MYF5: variants seen among roughly 807,000 people sequenced by gnomAD.
MYF5 encodes myogenic factor 5.
A neutral mutation model predicts 22.3 loss-of-function variants in MYF5; 20 were observed. The observed-to-expected ratio is 0.90, with a 90% CI of 0.63 to 1.30. The LOEUF (loss-of-function observed/expected upper bound fraction) is 1.30, where lower values mean the gene tolerates loss of function less well. Among genes scored for constraint, MYF5 ranks in the 50% most tolerant of loss-of-function variants. MYF5 has a pLI of 0.00. For missense variants in MYF5, 348 were observed against 325.9 expected (o/e 1.07, Z -0.52); for synonymous variants, 141 against 128.4 (o/e 1.10, Z -0.66).
chr12:80,718,004 G>T (rs990067500), intron 1 of MYF5, among the ~76,000 whole-genome samples: 1 of 152,184 alleles, frequency 6.6e-6, no homozygotes, highest in Non-Finnish European at 1.5e-5. Flanking sequence ...TTTAGAGGGC[G>T]TTTGCTCCAA....
Position 80,717,252 on chromosome 12 carries a change from G to A in MYF5, c.189G>A (p.Gln63=), listed in dbSNP as rs746872539. Residue 63 remains glutamine (Q), a synonymous_variant, in exon 1 of 3, where the codon CAG becomes CAA. Coordinates refer to ENST00000228644, the MANE Select transcript of MYF5 (RefSeq NM_005593.3). ...TGCGAGCGCCTACCGGCCACCACCA[G>A]GCTGGTCACTGCCTCATGTGGGCCT... ...EHVRAPTGHH[Q]AGHCLMWACK... 9.3e-6 allele frequency: 15 copies of A among 1,614,006 alleles called. No individual in the cohort carries two copies. The highest frequency in any genetic ancestry group is 1.3e-5 in the Non-Finnish European group (15 of 1,180,044).
chr12:80,717,496 TACTATAGCCTGCCGGG>T lies in MYF5; in HGVS notation c.436_451del (p.Tyr146ArgfsTer60). Reference sequence around the variant, plus strand: ...GTTGCTGAGAGAGCAGGTGGAGAACTACTATAGCCTGCCGGGACAGAGCTGCTCGGAGCCCACCAGC... The same window carrying T: ...GTTGCTGAGAGAGCAGGTGGAGAACTACAGAGCTGCTCGGAGCCCACCAGC... On this transcript the variant is annotated frameshift_variant, in exon 1 of 3. Transcript: ENST00000228644. LOFTEE classifies it high-confidence loss of function. The T allele has an allele frequency of 6.2e-7, 1 of 1,614,098 alleles. No individual in the cohort carries two copies. Among genetic ancestry groups the T allele is most frequent in the Non-Finnish European group, 8.5e-7 (1 of 1,180,016 alleles).
chr12:80,718,390 G>C lies in MYF5; in HGVS notation c.534G>C (p.Lys178Asn), dbSNP rs759518607. The C allele has an allele frequency of 1.2e-6, 2 of 1,614,092 alleles. No individual in the cohort carries two copies. The highest frequency in any genetic ancestry group is 1.1e-5 in the South Asian group (1 of 91,082). Reference sequence around the variant, plus strand: ...GTAACAGTCCTGTCTGGTCCAGAAAGAGCAGTACTTTTGACAGCATCTACT... The same window carrying C: ...GTAACAGTCCTGTCTGGTCCAGAAACAGCAGTACTTTTGACAGCATCTACT... The part of the protein sequence containing the change: ...PECNSPVWSR[K>N]SSTFDSIYCP... Residue 178 changes from lysine (K) to asparagine (N), a missense_variant, in exon 2 of 3, where the codon AAG becomes AAC. Coordinates refer to ENST00000228644, the MANE Select transcript of MYF5 (RefSeq NM_005593.3).
intron 2 of MYF5, 41 bp from the exon 3 acceptor site, chr12:80,718,820 G>A (rs769714683): frequency 1.3e-6 from 2 of 1,519,294 alleles, no homozygotes; most frequent in Non-Finnish European, 1.8e-6. Context: ...TGTCTATCTT[G>A]GGCTAATTAT....
In MYF5 at chr12:80,718,920, C is replaced by T. The variant is rs372785185; in HGVS notation, c.637C>T (p.Arg213Trp). Residue 213 changes from arginine (R) to tryptophan (W), a missense_variant, in exon 3 of 3, where the codon CGG becomes TGG. Coordinates refer to ENST00000228644, the MANE Select transcript of MYF5 (RefSeq NM_005593.3). ...GGATTGCTTATCCAACATAGTGGAC[C>T]GGATCACCTCCTCAGAGCAACCTGG... ...SLDCLSNIVDRITSSEQPGLP... is the reference protein window; with the variant it reads ...SLDCLSNIVDWITSSEQPGLP... 10 of 1,613,940 alleles carry T rather than the reference C, an allele frequency of 6.2e-6. No individual in the cohort carries two copies. The highest frequency in any genetic ancestry group is 2.7e-5 in the African/African-American group (2 of 74,904).
At position 80,718,276 on chromosome 12, in the gene MYF5, G is replaced by A. The variant is rs878874391; in HGVS notation, c.502-82G>A. The stretch of plus-strand genomic sequence containing the variant: ...GACAGTGTTCGGTTACAGAGCTGGT[G>A]GGCAAGCACAGCCTCACCTTTGGTC... On this transcript the variant is annotated intron_variant, in intron 1 of 2. Coordinates refer to ENST00000228644, the MANE Select transcript of MYF5 (RefSeq NM_005593.3). The A allele has an allele frequency of 2.7e-6, 3 of 1,101,870 alleles. No individual in the cohort carries two copies. In the South Asian group the frequency reaches 3.8e-5, roughly 14 times the overall value. The allele number at this position is 1,101,870 out of a possible 1,614,324, so 68.3% of individuals were successfully genotyped here.
rs758342935 is a variant in MYF5 at position 80,718,416 on chromosome 12, G to C, written c.560G>C (p.Cys187Ser). The C allele has an allele frequency of 2.9e-5, 47 of 1,613,144 alleles. 1 individual carries two copies. In the Admixed American group the frequency reaches 4.3e-4, roughly 15 times the overall value. The change falls in exon 2 of 3, where the codon TGT becomes TCT. Residue 187 changes from cysteine to serine, a missense_variant. Cys to Ser is a moderately radical substitution (Grantham distance 112). Transcript: ENST00000228644. The stretch of plus-strand genomic sequence containing the variant: ...AGCAGTACTTTTGACAGCATCTACT[G>C]TCCTGATGTATCAAATGGTAAGAAT... ...RKSSTFDSIY[C>S]PDVSNVYATD...
At position 80,719,650 on chromosome 12, in the gene MYF5, T is replaced by C. The variant is rs1868699901; in HGVS notation, c.*599T>C. On this transcript the variant is annotated 3_prime_UTR_variant, in exon 3 of 3. Transcript: ENST00000228644. Reference sequence around the variant, plus strand: ...GAAATTTTGGAAATTCCACCATAAATAAAATTTTTTACTACAAGAAATATT... The same window carrying C: ...GAAATTTTGGAAATTCCACCATAAACAAAATTTTTTACTACAAGAAATATT... 1 of 152,124 alleles carries C rather than the reference T, an allele frequency of 6.6e-6. No individual in the cohort carries two copies. The highest frequency in any genetic ancestry group is 2.4e-5 in the African/African-American group (1 of 41,436). The allele number at this position is 152,124 out of a possible 1,614,324, so 9.4% of individuals were successfully genotyped here. A position where few individuals can be genotyped will look rare whatever the true frequency, so the allele number is the denominator to read the frequency against.
Position 80,717,118 on chromosome 12 carries a change from T to A in MYF5, c.55T>A (p.Ser19Thr), listed in dbSNP as rs555691155. The change falls in exon 1 of 3, where the codon TCC (serine) becomes ACC (threonine). Residue 19 changes from serine to threonine, a missense_variant. Transcript: ENST00000228644. Reference protein sequence around the residue: ...FSPSEYFYDGSCIPSPEGEFG... With the variant: ...FSPSEYFYDGTCIPSPEGEFG... The stretch of plus-strand genomic sequence containing the variant: ...ACCTTCTGAGTACTTCTACGACGGC[T>A]CCTGCATACCGTCCCCCGAGGGTGA... The A allele has an allele frequency of 6.2e-7, 1 of 1,612,964 alleles. No homozygotes were observed. The highest frequency in any genetic ancestry group is 8.5e-7 in the Non-Finnish European group (1 of 1,180,026).
In MYF5 at chr12:80,717,111, C is replaced by T. The variant is rs1471386286; in HGVS notation, c.48C>T (p.Tyr16=). ...GCQFSPSEYF[Y]DGSCIPSPEG... is the part of the protein sequence containing the mutation. Reference sequence around the variant, plus strand: ...AGTTCTCACCTTCTGAGTACTTCTACGACGGCTCCTGCATACCGTCCCCCG... The same window carrying T: ...AGTTCTCACCTTCTGAGTACTTCTATGACGGCTCCTGCATACCGTCCCCCG... The change falls in exon 1 of 3, where the codon TAC becomes TAT. Residue 16 remains tyrosine, a synonymous_variant. Transcript: ENST00000228644. 3 of 1,612,302 alleles carry T rather than the reference C, an allele frequency of 1.9e-6. No homozygotes were observed. The highest frequency in any genetic ancestry group is 2.5e-6 in the Non-Finnish European group (3 of 1,180,016).
rs113835934 is a variant in MYF5 at position 80,717,948 on chromosome 12, G to T, written c.501+384G>T. On this transcript the variant is annotated intron_variant, in intron 1 of 2. Coordinates refer to ENST00000228644, the MANE Select transcript of MYF5 (RefSeq NM_005593.3). ...GGAAAGAAATACCCACACGGCCCCA[G>T]TTCCTGCTCCAATGAGGCCTGGCTG... Among the ~76,000 whole-genome samples, 1,107 of 152,312 alleles carry T rather than the reference G, an allele frequency of 7.3e-3. 13 individuals are homozygous for T. Among genetic ancestry groups the T allele is most frequent in the African/African-American group, 0.025 (1,028 of 41,566 alleles).
Position 80,717,230 on chromosome 12 carries a change from G to T in MYF5, c.167G>T (p.Arg56Leu). 6.2e-7 allele frequency: 1 copy of T among 1,614,016 alleles called. No homozygotes were observed. The highest frequency in any genetic ancestry group is 1.3e-5 in the African/African-American group (1 of 75,044). Residue 56 changes from arginine (R) to leucine (L), a missense_variant, in exon 1 of 3, where the codon CGA (arginine) becomes CTA (leucine). Transcript: ENST00000228644. ...LQGSDEDEHV[R>L]APTGHHQAGH... ...GGCTCAGATGAGGACGAGCACGTGC[G>T]AGCGCCTACCGGCCACCACCAGGCT...
In MYF5 at chr12:80,717,499, T is replaced by C. The variant is rs775272970; in HGVS notation, c.436T>C (p.Tyr146His). Residue 146 changes from tyrosine (Y) to histidine (H), a missense_variant, in exon 1 of 3, where the codon TAT (tyrosine) becomes CAT (histidine). Tyr to His is a moderately conservative substitution (Grantham distance 83). Transcript: ENST00000228644. Reference sequence around the variant, plus strand: ...GCTGAGAGAGCAGGTGGAGAACTACTATAGCCTGCCGGGACAGAGCTGCTC... The same window carrying C: ...GCTGAGAGAGCAGGTGGAGAACTACCATAGCCTGCCGGGACAGAGCTGCTC... ...ELLREQVENY[Y>H]SLPGQSCSEP... 6 of 1,614,116 alleles carry C rather than the reference T, an allele frequency of 3.7e-6. No homozygotes were observed. The South Asian group carries it at 5.5e-5, about 15-fold the overall frequency.
At position 80,717,094 on chromosome 12, in the gene MYF5, C is replaced by A; in HGVS notation, c.31C>A (p.Pro11Thr). The change falls in exon 1 of 3, where the codon CCT becomes ACT. Residue 11 changes from proline (P) to threonine (T), a missense_variant. By Grantham distance (38) the Pro-to-Thr change is conservative (BLOSUM62 -1). Coordinates refer to ENST00000228644, the MANE Select transcript of MYF5 (RefSeq NM_005593.3). MDVMDGCQFS[P>T]SEYFYDGSCI... ...CGTGATGGATGGCTGCCAGTTCTCACCTTCTGAGTACTTCTACGACGGCTC... is the reference window on the plus strand; with the variant it reads ...CGTGATGGATGGCTGCCAGTTCTCAACTTCTGAGTACTTCTACGACGGCTC... The A allele has an allele frequency of 6.2e-7, 1 of 1,609,998 alleles. No individual in the cohort carries two copies. The highest frequency in any genetic ancestry group is 1.7e-4 in the Middle Eastern group (1 of 6,056).
At position 80,718,887 on chromosome 12, in the gene MYF5, T is replaced by C. The variant is rs1868675781; in HGVS notation, c.604T>C (p.Ser202Pro). 6.2e-7 allele frequency: 1 copy of C among 1,613,900 alleles called. No individual in the cohort carries two copies. The highest frequency in any genetic ancestry group is 8.5e-7 in the Non-Finnish European group (1 of 1,179,832). ...ATATGCCACAGATAAAAACTCCTTA[T>C]CCAGCTTGGATTGCTTATCCAACAT... ...NVYATDKNSLSSLDCLSNIVD... is the reference protein window; with the variant it reads ...NVYATDKNSLPSLDCLSNIVD... Residue 202 changes from serine (S) to proline (P), a missense_variant, in exon 3 of 3, where the codon TCC (serine) becomes CCC (proline). By Grantham distance (74) the Ser-to-Pro change is moderately conservative. Coordinates refer to ENST00000228644, the MANE Select transcript of MYF5 (RefSeq NM_005593.3).
At position 80,718,366 on chromosome 12, in the gene MYF5, T is replaced by C. The variant is rs1565864957; in HGVS notation, c.510T>C (p.Cys170=). ...TGTGTCTTGTATTATAGCCCGAATG[T>C]AACAGTCCTGTCTGGTCCAGAAAGA... ...TSNCSDGMPE[C]NSPVWSRKSS... Residue 170 remains cysteine (C), a synonymous_variant, in exon 2 of 3, where the codon TGT becomes TGC. Transcript: ENST00000228644. 1.9e-6 allele frequency: 3 copies of C among 1,613,910 alleles called. No homozygotes were observed. Among genetic ancestry groups the C allele is most frequent in the South Asian group, 1.1e-5 (1 of 91,086 alleles).
intron 1 of MYF5, among the ~76,000 whole-genome samples, chr12:80,718,103 T>C (rs554892753): frequency 6.6e-6 from 1 of 152,304 alleles, no homozygotes; most frequent in Admixed American, 6.5e-5. Context: ...CCATTTTGCA[T>C]GGTTAACCCA....
Position 80,718,424 on chromosome 12 carries a change from G to A in MYF5, c.568G>A (p.Val190Ile), listed in dbSNP as rs987528594. Residue 190 changes from valine (V) to isoleucine (I), a missense_variant, in exon 2 of 3, where the codon GTA becomes ATA. Coordinates refer to ENST00000228644, the MANE Select transcript of MYF5 (RefSeq NM_005593.3). ...TTTTGACAGCATCTACTGTCCTGAT[G>A]TATCAAATGGTAAGAATTGATAACT... The part of the protein sequence containing the change: ...STFDSIYCPD[V>I]SNVYATDKNS... 3.1e-6 allele frequency: 5 copies of A among 1,611,368 alleles called. No homozygotes were observed. The highest frequency in any genetic ancestry group is 4.2e-6 in the Non-Finnish European group (5 of 1,177,596).
chr12:80,718,728 C>T, intron 2 of MYF5, 133 bp from the exon 3 acceptor site: 1 of 778,368 alleles, frequency 1.3e-6, no homozygotes, highest in East Asian at 2.5e-5. Flanking sequence ...TTGCAAATTT[C>T]TATGTTAGGC....
Sources: allele counts gnomAD v4.1 joint callset (sites outside exome capture counted in the v4.1 genomes callset), GRCh38; gene constraint gnomAD v4.1.1; transcripts MANE v1.5; gene names NCBI Gene and HGNC (gene_info 2026-07-23, HGNC 2026-07-21).